Variants in NALF1 observed in about 807,000 individuals in gnomAD.
The protein encoded by NALF1 is family with sequence similarity 155 member A.
NALF1 carries 3 observed loss-of-function variants against 48.4 expected under a neutral mutation model. The observed-to-expected ratio is 0.06, with a 90% CI of 0.03 to 0.16. NALF1 has a LOEUF of 0.16. Among genes scored for constraint, NALF1 ranks in the 10% least tolerant of loss-of-function variants. The pLI is 1.00. For synonymous variants in NALF1, 262 were observed against 245.7 expected (o/e 1.07, Z -0.62); for missense variants, 526 against 571.5 (o/e 0.92, Z 0.81).
At chr13:107,193,900 TAG>T (rs34823936) in intron 2 of NALF1, among the ~76,000 whole-genome samples, 15 of 150,530 alleles carry the variant, frequency 1.0e-4, no homozygotes, top group Non-Finnish European at 3.0e-5. Context: ...GAGCTGGCAC[TAG>T]AGAGAGAGAG....
intron 1 of NALF1, among the ~76,000 whole-genome samples, chr13:107,659,617 T>A (rs1880675809): frequency 6.6e-6 from 1 of 151,804 alleles, no homozygotes; most frequent in Non-Finnish European, 1.5e-5. Context: ...GTGTTTTTTT[T>A]CTTTTTATAT....
intron 1 of NALF1, among the ~76,000 whole-genome samples, chr13:107,307,300 T>C (rs901984497): frequency 6.6e-6 from 1 of 152,108 alleles, no homozygotes; most frequent in East Asian, 1.9e-4. Flanking sequence ...AAGATGTCTA[T>C]TACTTGAGAC....
intron 1 of NALF1, among the ~76,000 whole-genome samples, chr13:107,311,534 A>G (rs1440259654): frequency 6.6e-6 from 1 of 151,052 alleles, no homozygotes; most frequent in East Asian, 1.9e-4. Context: ...AACTGTATTT[A>G]ATCATTTATT....
At chr13:107,639,109 C>T (rs981490248) in intron 1 of NALF1, among the ~76,000 whole-genome samples, 3 of 152,124 alleles carry the variant, frequency 2.0e-5, no homozygotes, top group Admixed American at 1.3e-4. Context: ...TGAAAAAAAG[C>T]TGCTCCTATG....
intron 1 of NALF1, among the ~76,000 whole-genome samples, chr13:107,686,843 T>C (rs770907576): frequency 1.3e-5 from 2 of 152,146 alleles, no homozygotes; most frequent in Non-Finnish European, 2.9e-5. Flanking sequence ...ACTTATATGC[T>C]ACTGGAAGGG....
intron 1 of NALF1, among the ~76,000 whole-genome samples, chr13:107,295,697 T>C (rs766065580): frequency 6.6e-6 from 1 of 152,212 alleles, no homozygotes; most frequent in Non-Finnish European, 1.5e-5. Flanking sequence ...AAACAAGAAA[T>C]GCTTGGCTGC....
chr13:107,451,865 G>C (rs540354972), intron 1 of NALF1, among the ~76,000 whole-genome samples: 3 of 152,288 alleles, frequency 2.0e-5, no homozygotes, highest in Admixed American at 2.0e-4. Context: ...GCCAAACCTA[G>C]TGGATTCTCT....
At chr13:107,822,774 A>G (rs73587789) in intron 1 of NALF1, among the ~76,000 whole-genome samples, 5,360 of 152,310 alleles carry the variant, frequency 0.035, 347 homozygotes, top group African/African-American at 0.12. Flanking sequence ...AGCATTCTGG[A>G]AAGATATGAA....
At chr13:107,217,556 TCTCTCTTTCTCTCC>T (rs1566454426) in intron 1 of NALF1, among the ~76,000 whole-genome samples, 1 of 152,140 alleles carries the variant, frequency 6.6e-6, no homozygotes, top group Non-Finnish European at 1.5e-5. Context: ...TTTCTCTGTC[TCTCTCTTTCTCTCC>T]CTCTCTCACT....
chr13:107,556,911 T>A (rs934977532), intron 1 of NALF1, among the ~76,000 whole-genome samples: 10 of 151,838 alleles, frequency 6.6e-5, no homozygotes, highest in Non-Finnish European at 1.2e-4. Flanking sequence ...GAAGAGGAGA[T>A]GAGAAAGAGA....
intron 1 of NALF1, among the ~76,000 whole-genome samples, chr13:107,804,323 G>C (rs944493751): frequency 6.6e-6 from 1 of 152,066 alleles, no homozygotes; most frequent in African/African-American, 2.4e-5. Flanking sequence ...CTAGTGCTGG[G>C]GAGACAGAGA....
At chr13:107,832,113 G>T (rs1879751387) in intron 1 of NALF1, among the ~76,000 whole-genome samples, 1 of 151,978 alleles carries the variant, frequency 6.6e-6, no homozygotes, top group East Asian at 1.9e-4. Context: ...ACTGTGACAT[G>T]AACTGAACCT....
At chr13:107,735,517 T>G (rs1876442398) in intron 1 of NALF1, among the ~76,000 whole-genome samples, 1 of 152,222 alleles carries the variant, frequency 6.6e-6, no homozygotes, top group African/African-American at 2.4e-5. Flanking sequence ...TTCCCCCATC[T>G]GCGCACACAT....
chr13:107,619,475 G>A (rs1879467912), intron 1 of NALF1, among the ~76,000 whole-genome samples: 1 of 152,172 alleles, frequency 6.6e-6, no homozygotes. Context: ...CTGGTAATCG[G>A]TGGGCATTTT....
At chr13:107,172,082 G>A (rs928194354) in intron 2 of NALF1, among the ~76,000 whole-genome samples, 2 of 152,100 alleles carry the variant, frequency 1.3e-5, no homozygotes, top group African/African-American at 4.8e-5. Context: ...GCTCTTCCCA[G>A]AGCACCCAAG....
intron 1 of NALF1, among the ~76,000 whole-genome samples, chr13:107,373,955 C>T (rs887977197): frequency 1.1e-4 from 17 of 152,038 alleles, no homozygotes; most frequent in African/African-American, 4.1e-4. Flanking sequence ...ACTTAATATC[C>T]CTTAAAATGG....
At chr13:107,560,090 A>C (rs769616079) in intron 1 of NALF1, among the ~76,000 whole-genome samples, 4 of 152,210 alleles carry the variant, frequency 2.6e-5, no homozygotes, top group Non-Finnish European at 5.9e-5. Flanking sequence ...TTTTGGGATT[A>C]GGGCTAAGAA....
chr13:107,834,187 C>A (rs1879824662), intron 1 of NALF1, among the ~76,000 whole-genome samples: 1 of 152,128 alleles, frequency 6.6e-6, no homozygotes, highest in South Asian at 2.1e-4. Context: ...GGAGAACATG[C>A]ATAGGTTAGA....
At chr13:107,756,444 T>TATATATATATATATAC (rs201150584) in intron 1 of NALF1, among the ~76,000 whole-genome samples, 2 of 150,550 alleles carry the variant, frequency 1.3e-5, no homozygotes, top group African/African-American at 4.9e-5. Flanking sequence ...GCTATATATA[T>TATATATATATATATAC]ATATATATAT....
Sources: gnomAD v4.1 joint callset for allele counts (sites outside exome capture counted in the v4.1 genomes callset) on GRCh38, gnomAD v4.1.1 for gene constraint, MANE v1.5 for transcripts, NCBI Gene and HGNC (gene_info 2026-07-23, HGNC 2026-07-21) for gene names.